The following SLC37A3 variants were observed in gnomAD, a reference collection of about 807,000 sequenced individuals.
The protein encoded by SLC37A3 is sugar phosphate exchanger 3.
SLC37A3 carries 51 observed loss-of-function variants against 67.1 expected under a neutral mutation model. That is an observed-to-expected ratio of 0.76 (90% CI 0.61 to 0.96). SLC37A3 has a LOEUF of 0.96. SLC37A3 is among the 40% of genes least tolerant of loss of function. The pLI is 0.00. For missense variants in SLC37A3, 508 were observed against 603.0 expected, an observed-to-expected ratio of 0.84 and a Z score of 1.65; for synonymous variants, 214 against 231.4, an observed-to-expected ratio of 0.92 and a Z score of 0.68.
chr7:140,341,523 G>A (rs2117025104), intron 13 of SLC37A3, among the ~76,000 whole-genome samples: 1 of 152,272 alleles, frequency 6.6e-6, no homozygotes, highest in African/African-American at 2.4e-5. Context: ...TTAGTACACT[G>A]GCTAAGGACA....
chr7:140,384,150 G>C lies in SLC37A3; in HGVS notation c.-70-1554C>G, dbSNP rs542903795. On this transcript the variant is annotated intron_variant, in intron 1 of 14. Coordinates refer to ENST00000326232, the MANE Select transcript of SLC37A3 (RefSeq NM_207113.3). ...TAATTAAATAAATTATGGTATGTCT[G>C]AATGGCTGAATCATTTATAATCATT... Among the ~76,000 whole-genome samples the C allele has an allele frequency of 5.3e-5, 8 of 152,260 alleles. No homozygotes were observed. The South Asian group carries it at 1.7e-3, about 32-fold the overall frequency.
chr7:140,342,992 G>A (rs1309414944), intron 13 of SLC37A3, among the ~76,000 whole-genome samples: 1 of 152,176 alleles, frequency 6.6e-6, no homozygotes, highest in East Asian at 1.9e-4. Context: ...GCCCAGGAAG[G>A]AACGTGTATG....
At position 140,343,500 on chromosome 7, in the gene SLC37A3, T is replaced by A; in HGVS notation, c.1238A>T (p.Gln413Leu). The change falls in exon 13 of 15, where the codon CAG becomes CTG. Residue 413 changes from glutamine to leucine, a missense_variant. Transcript: ENST00000326232. ...SSAISADLGRQELIQRSSEAL... is the reference protein window; with the variant it reads ...SSAISADLGRLELIQRSSEAL... Reference sequence around the variant, plus strand: ...TTCACTGCTCCTTTGGATGAGCTCCTGGCGACCCAAGTCCGCAGAAATAGC... The same window carrying A: ...TTCACTGCTCCTTTGGATGAGCTCCAGGCGACCCAAGTCCGCAGAAATAGC... 2 of 1,614,090 alleles carry A rather than the reference T, an allele frequency of 1.2e-6. No homozygotes were observed. Among genetic ancestry groups the A allele is most frequent in the Non-Finnish European group, 1.7e-6 (2 of 1,180,002 alleles).
chr7:140,341,207 A>AC (rs1796349423), intron 13 of SLC37A3, among the ~76,000 whole-genome samples: 3 of 152,198 alleles, frequency 2.0e-5, no homozygotes, highest in Admixed American at 6.5e-5. Flanking sequence ...TGCTGGGATT[A>AC]CTGGCATGAG....
chr7:140,362,537 C>A (rs1159492287), intron 5 of SLC37A3, among the ~76,000 whole-genome samples: 5 of 132,296 alleles, frequency 3.8e-5, no homozygotes, highest in Non-Finnish European at 6.6e-5. Flanking sequence ...CCGCCCCGTC[C>A]GGGAGGGAGG....
intron 2 of SLC37A3, among the ~76,000 whole-genome samples, chr7:140,380,832 A>G (rs1798221677): frequency 6.6e-6 from 1 of 150,736 alleles, no homozygotes; most frequent in African/African-American, 2.4e-5. Context: ...TCCTCCCACC[A>G]CTTGGCTTCC....
intron 14 of SLC37A3, among the ~76,000 whole-genome samples, 175 bp downstream of exon 14, chr7:140,337,098 CAAAAAAAAAAA>C (rs1172096190): frequency 1.4e-5 from 1 of 69,660 alleles, no homozygotes; most frequent in African/African-American, 5.5e-5. Context: ...GACTCTGCCT[CAAAAAAAAAAA>C]AAAAAAAAAA....
chr7:140,371,557 T>C (rs184383272), intron 3 of SLC37A3, among the ~76,000 whole-genome samples: 2 of 152,326 alleles, frequency 1.3e-5, no homozygotes, highest in Admixed American at 6.5e-5. Flanking sequence ...AATCCAGTTT[T>C]TAAAATTCCT....
At chr7:140,353,031 G>T (rs1330720444) in intron 7 of SLC37A3, among the ~76,000 whole-genome samples, 1 of 152,118 alleles carries the variant, frequency 6.6e-6, no homozygotes, top group South Asian at 2.1e-4. Flanking sequence ...GGCCATGAAT[G>T]AAGGGAATGA....
chr7:140,370,989 G>C (rs1017133285), intron 3 of SLC37A3, among the ~76,000 whole-genome samples: 1 of 152,034 alleles, frequency 6.6e-6, no homozygotes, highest in Non-Finnish European at 1.5e-5. Flanking sequence ...GAGTTGATTG[G>C]CCTGGGAATA....
intron 5 of SLC37A3, among the ~76,000 whole-genome samples, chr7:140,361,866 G>C (rs1246698805): frequency 6.9e-6 from 1 of 144,508 alleles, no homozygotes; most frequent in Non-Finnish European, 1.5e-5. Flanking sequence ...ATGGTGCCCA[G>C]GCTGGAGTGC....
intron 3 of SLC37A3, 84 bp from the exon 4 acceptor site, chr7:140,369,766 C>A: frequency 9.5e-7 from 1 of 1,049,942 alleles, no homozygotes; most frequent in Non-Finnish European, 1.4e-6. Context: ...ACAAACACTT[C>A]CAAAGCACCA....
Position 140,386,824 on chromosome 7 carries a change from A to G in SLC37A3, c.-70-4228T>C, listed in dbSNP as rs530927864. On this transcript the variant is annotated intron_variant, in intron 1 of 14. Coordinates refer to ENST00000326232, the MANE Select transcript of SLC37A3 (RefSeq NM_207113.3). ...TTCCCAGGCAGTGTCCCACCCAAGC[A>G]CTAACCAGACCCCACCATACCTAGC... 5.3e-5 allele frequency: 8 copies of G among 152,292 alleles called. No individual in the cohort carries two copies. In the East Asian group the frequency reaches 1.2e-3, roughly 22 times the overall value. 9.4% of individuals were successfully genotyped at this position (152,292 alleles called of 1,614,324 possible). A position where few individuals can be genotyped will look rare whatever the true frequency, so the allele number is the denominator to read the frequency against.
intron 3 of SLC37A3, among the ~76,000 whole-genome samples, chr7:140,375,249 G>A (rs574816525): frequency 1.3e-5 from 2 of 151,040 alleles, no homozygotes; most frequent in Non-Finnish European, 3.0e-5. Flanking sequence ...CGGGTGGATT[G>A]CCTGAGCTCA....
At chr7:140,392,386 T>G (rs570331419) in intron 1 of SLC37A3, among the ~76,000 whole-genome samples, 1 of 152,150 alleles carries the variant, frequency 6.6e-6, no homozygotes, top group East Asian at 1.9e-4. Flanking sequence ...ATCCAGTCCT[T>G]TTCACCTCCA....
At position 140,351,295 on chromosome 7, in the gene SLC37A3, C is replaced by A; in HGVS notation, c.860G>T (p.Cys287Phe). 6.2e-7 allele frequency: 1 copy of A among 1,614,096 alleles called. No individual in the cohort carries two copies. The highest frequency in any genetic ancestry group is 1.3e-5 in the African/African-American group (1 of 75,048). ...TACCGGTATGACTCCAGGAAGGCAA[C>A]ATGCCTGGTAGAAGCTTATCGCCTT... ...QVKAISFYQACCLPGVIPYSL... is the reference protein window; with the variant it reads ...QVKAISFYQAFCLPGVIPYSL... Residue 287 changes from cysteine (C) to phenylalanine (F), a missense_variant, in exon 9 of 15, where the codon TGT becomes TTT. Physicochemically the swap from Cys to Phe is radical, Grantham distance 205 (BLOSUM62 -2). Coordinates refer to ENST00000326232, the MANE Select transcript of SLC37A3 (RefSeq NM_207113.3).
intron 1 of SLC37A3, among the ~76,000 whole-genome samples, chr7:140,392,054 C>T (rs1798744716): frequency 6.6e-6 from 1 of 152,204 alleles, no homozygotes; most frequent in Non-Finnish European, 1.5e-5. Context: ...CACTGATCAC[C>T]TGCAACATTT....
At chr7:140,387,484 G>A (rs1798499861) in intron 1 of SLC37A3, among the ~76,000 whole-genome samples, 1 of 149,740 alleles carries the variant, frequency 6.7e-6, no homozygotes, top group Non-Finnish European at 1.5e-5. Flanking sequence ...GCGTGGTGAT[G>A]CACGCCTGTA....
At chr7:140,349,089 G>C (rs1433614672) in intron 9 of SLC37A3, among the ~76,000 whole-genome samples, 1 of 152,186 alleles carries the variant, frequency 6.6e-6, no homozygotes, top group Non-Finnish European at 1.5e-5. Context: ...CTATAAGGCA[G>C]AGCACATACC....
Sources: allele counts gnomAD v4.1 joint callset (sites outside exome capture counted in the v4.1 genomes callset), GRCh38; gene constraint gnomAD v4.1.1; transcripts MANE v1.5; gene names NCBI Gene and HGNC (gene_info 2026-07-23, HGNC 2026-07-21).